PCSK6: variants seen among roughly 807,000 people sequenced by gnomAD.
PCSK6 encodes paired basic amino acid cleaving enzyme 4.
PCSK6 carries 85 observed loss-of-function variants against 123.3 expected under a neutral mutation model. That is an observed-to-expected ratio of 0.69 (90% CI 0.58 to 0.83). The LOEUF (loss-of-function observed/expected upper bound fraction) is 0.83, where lower values mean the gene tolerates loss of function less well. PCSK6 is among the 40% of genes least tolerant of loss of function. The pLI is 0.00. For missense variants in PCSK6, 1,191 were observed against 1,282.3 expected (o/e 0.93, Z 1.09); for synonymous variants, 508 against 516.0 (o/e 0.98, Z 0.21).
intron 2 of PCSK6, among the ~76,000 whole-genome samples, chr15:101,436,758 G>A (rs1049321366): frequency 6.6e-6 from 1 of 152,196 alleles, no homozygotes; most frequent in African/African-American, 2.4e-5. Context: ...AGTCTGTGGC[G>A]CTTAGATCTT....
chr15:101,483,792 T>A (rs2057950466), intron 1 of PCSK6, among the ~76,000 whole-genome samples: 1 of 152,234 alleles, frequency 6.6e-6, no homozygotes, highest in South Asian at 2.1e-4. Context: ...CAAACGCCCA[T>A]GCGACCTGCA....
intron 6 of PCSK6, among the ~76,000 whole-genome samples, chr15:101,424,545 G>A (rs1282385891): frequency 5.9e-5 from 9 of 152,164 alleles, no homozygotes; most frequent in Admixed American, 5.2e-4. Context: ...AGAGCCTGGC[G>A]ACAGGCTGAA....
intron 13 of PCSK6, among the ~76,000 whole-genome samples, chr15:101,356,669 G>C (rs1048693392): frequency 6.7e-6 from 1 of 148,822 alleles, no homozygotes; most frequent in Non-Finnish European, 1.5e-5. Flanking sequence ...AACAGAGCGA[G>C]ACTGTCTCAA....
At chr15:101,354,457 C>A (rs770602837) in intron 13 of PCSK6, among the ~76,000 whole-genome samples, 7 of 152,238 alleles carry the variant, frequency 4.6e-5, no homozygotes, top group Admixed American at 3.9e-4. Flanking sequence ...ACACTTTAAA[C>A]AAAGTGTAAA....
intron 15 of PCSK6, among the ~76,000 whole-genome samples, chr15:101,328,499 G>A (rs1015502295): frequency 9.9e-5 from 15 of 152,168 alleles, no homozygotes; most frequent in Admixed American, 5.9e-4. Context: ...AAGTGCAGAT[G>A]TCCTCACCAT....
At chr15:101,488,360 A>T (rs967788275) in intron 1 of PCSK6, among the ~76,000 whole-genome samples, 12 of 151,594 alleles carry the variant, frequency 7.9e-5, no homozygotes, top group Non-Finnish European at 1.6e-4. Context: ...ACCCCAACTC[A>T]CCGCCCCTCA....
At chr15:101,313,712 G>T in intron 19 of PCSK6, 1 of 614,126 alleles carries the variant, frequency 1.6e-6, no homozygotes, top group Non-Finnish European at 2.7e-6. Flanking sequence ...TCACAGACGG[G>T]GACATCGAGG....
chr15:101,472,146 G>C (rs889145263), intron 1 of PCSK6, among the ~76,000 whole-genome samples: 2 of 152,230 alleles, frequency 1.3e-5, no homozygotes, highest in Admixed American at 6.5e-5. Context: ...AGGCAGACCA[G>C]AGACATGCTC....
At position 101,393,293 on chromosome 15, in the gene PCSK6, G is replaced by A. The variant is rs778586807; in HGVS notation, c.1128C>T (p.Gly376=). The change falls in exon 8 of 22, where the codon GGC becomes GGT. Residue 376 remains glycine (G), a synonymous_variant. Transcript: ENST00000611716. ...TISVSSATEN[G]YKPWYLEECA... ...ACTCTTCCAGGTACCAGGGCTTGTAGCCATTCTCGGTGGCGCTGCTGACGG... is the reference window on the plus strand; with the variant it reads ...ACTCTTCCAGGTACCAGGGCTTGTAACCATTCTCGGTGGCGCTGCTGACGG... The A allele has an allele frequency of 1.9e-6, 3 of 1,613,036 alleles. No homozygotes were observed. Among genetic ancestry groups the A allele is most frequent in the African/African-American group, 2.7e-5 (2 of 74,968 alleles).
At chr15:101,451,253 G>A (rs1043054480) in intron 1 of PCSK6, among the ~76,000 whole-genome samples, 4 of 152,060 alleles carry the variant, frequency 2.6e-5, no homozygotes. Context: ...CAAAGTCACC[G>A]AGAAGCACGC....
chr15:101,348,229 G>A (rs970993063), intron 13 of PCSK6, among the ~76,000 whole-genome samples: 10 of 152,182 alleles, frequency 6.6e-5, no homozygotes, highest in South Asian at 4.1e-4. Context: ...CCATTCCAAC[G>A]CCCAGGCTTC....
chr15:101,401,786 A>G (rs1288096234), intron 6 of PCSK6, among the ~76,000 whole-genome samples: 2 of 152,208 alleles, frequency 1.3e-5, no homozygotes, highest in African/African-American at 4.8e-5. Flanking sequence ...ACTGAGCCTC[A>G]GTTTTCCCAT....
At chr15:101,406,042 C>T (rs1401992059) in intron 6 of PCSK6, among the ~76,000 whole-genome samples, 1 of 152,216 alleles carries the variant, frequency 6.6e-6, no homozygotes, top group Non-Finnish European at 1.5e-5. Context: ...CGTACCCGGC[C>T]GCCTGCTTCT....
intron 13 of PCSK6, among the ~76,000 whole-genome samples, chr15:101,359,945 G>T (rs2041162301): frequency 6.6e-6 from 1 of 152,072 alleles, no homozygotes; most frequent in Non-Finnish European, 1.5e-5. Flanking sequence ...AAGTATCTTT[G>T]ATTTAACCCA....
At chr15:101,429,878 G>A (rs1472177035) in intron 5 of PCSK6, 109 bp downstream of exon 5, 1 of 934,460 alleles carries the variant, frequency 1.1e-6, no homozygotes, top group African/African-American at 1.6e-5. Context: ...GCCCAGGCAG[G>A]GAAGATACGC....
intron 1 of PCSK6, among the ~76,000 whole-genome samples, chr15:101,476,467 G>A (rs990049353): frequency 2.7e-5 from 4 of 150,888 alleles, no homozygotes; most frequent in South Asian, 4.2e-4. Context: ...CTCTATGTAC[G>A]AGCATGGGAA....
intron 12 of PCSK6, among the ~76,000 whole-genome samples, chr15:101,367,610 T>C (rs1038502097): frequency 6.6e-6 from 1 of 152,178 alleles, no homozygotes; most frequent in Non-Finnish European, 1.5e-5. Flanking sequence ...CAAACTGTCT[T>C]TTAAGGGCTG....
chr15:101,383,947 C>T (rs1855861356), intron 10 of PCSK6: 1 of 210,018 alleles, frequency 4.8e-6, no homozygotes, highest in Non-Finnish European at 8.2e-6. Context: ...GTTGTCCAGG[C>T]TAGACTCAAA....
chr15:101,412,122 G>A (rs1269777277), intron 6 of PCSK6, among the ~76,000 whole-genome samples: 1 of 152,166 alleles, frequency 6.6e-6, no homozygotes, highest in African/African-American at 2.4e-5. Context: ...GCTGAATGGG[G>A]GCCCTGGACA....
Sources: allele counts gnomAD v4.1 joint callset (sites outside exome capture counted in the v4.1 genomes callset), GRCh38; gene constraint gnomAD v4.1.1; transcripts MANE v1.5; gene names NCBI Gene and HGNC (gene_info 2026-07-23, HGNC 2026-07-21).